The following ZNF26 variants were observed in gnomAD, a reference collection of about 807,000 sequenced individuals.
ZNF26 encodes zinc finger protein 26.
A neutral mutation model predicts 54.9 loss-of-function variants in ZNF26; 32 were observed. The ratio of observed to expected loss-of-function variants is 0.58; its 90% confidence interval spans 0.44 to 0.78. The LOEUF is 0.78. ZNF26 is among the 30% of genes least tolerant of loss of function. ZNF26 has a pLI of 0.00. For synonymous variants in ZNF26, 221 were observed against 209.2 expected (o/e 1.06, Z -0.49); for missense variants, 524 against 634.0 (o/e 0.83, Z 1.86).
rs997370761 is a variant in ZNF26, at chr12:133,022,514, G to A, written c.*11033G>A. Reference sequence around the variant, plus strand: ...ATAAGTAAAACTGGGGAAATGTTAAGTATTGTGTGTCAGTATTCTGGCTGT... The same window carrying A: ...ATAAGTAAAACTGGGGAAATGTTAAATATTGTGTGTCAGTATTCTGGCTGT... On this transcript the variant is annotated 3_prime_UTR_variant, in exon 4 of 4. Transcript: ENST00000328654. 1 of 152,150 alleles carries A rather than the reference G, an allele frequency of 6.6e-6. No individual in the cohort carries two copies. Among genetic ancestry groups the A allele is most frequent in the East Asian group, 1.9e-4 (1 of 5,190 alleles). The allele number at this position is 152,150 out of a possible 1,614,324, so 9.4% of individuals were successfully genotyped here. A position where few individuals can be genotyped will look rare whatever the true frequency, so the allele number is the denominator to read the frequency against.
chr12:133,010,952 T>C lies in ZNF26; in HGVS notation c.1073T>C (p.Ile358Thr), dbSNP rs2137261563. The change falls in exon 4 of 4, where the codon ATT (isoleucine) becomes ACT (threonine). Residue 358 changes from isoleucine to threonine, a missense_variant. By Grantham distance (89) the Ile-to-Thr change is moderately conservative (BLOSUM62 -1). Transcript: ENST00000328654. ...GCCTTCAATATGAAGACACAACTCA[T>C]TGTACATCAGGGAGTTCACACAGGA... ...GKAFNMKTQL[I>T]VHQGVHTGNN... 1 of 1,614,100 alleles carries C rather than the reference T, an allele frequency of 6.2e-7. No individual in the cohort carries two copies. Among genetic ancestry groups the C allele is most frequent in the Non-Finnish European group, 8.5e-7 (1 of 1,180,006 alleles).
At chr12:132,991,653 A>AC (rs1320660210) in intron 1 of ZNF26, among the ~76,000 whole-genome samples, 1 of 150,474 alleles carries the variant, frequency 6.6e-6, no homozygotes, top group Non-Finnish European at 1.5e-5. Context: ...AACCTAAAAA[A>AC]AAAACCAGGT....
In ZNF26 at chr12:133,008,101, C is replaced by T. The variant is rs953315348; in HGVS notation, c.256+569C>T. On this transcript the variant is annotated intron_variant, in intron 3 of 3. Coordinates refer to ENST00000328654, the MANE Select transcript of ZNF26 (RefSeq NM_019591.4). ...AAGGCTCTTCCGTTCCGAAGGTTTA[C>T]GCTTTCCCCCCAGTGTTGTAACATC... 5.1e-4 allele frequency among the ~76,000 whole-genome samples: 78 copies of T among 152,220 alleles called. 2 individuals are homozygous for T. Among genetic ancestry groups the T allele is most frequent in the African/African-American group, 1.7e-3 (72 of 41,542 alleles).
rs1352623623 is a variant in ZNF26, at chr12:133,013,166, G to T, written c.*1685G>T. The T allele has an allele frequency of 6.6e-6, 1 of 152,216 alleles. No homozygotes were observed. Among genetic ancestry groups the T allele is most frequent in the African/African-American group, 2.4e-5 (1 of 41,446 alleles). The allele number at this position is 152,216 out of a possible 1,614,324, so 9.4% of individuals were successfully genotyped here. ...ATTTATGAGAAAATCTGAGACAGGG[G>T]CAGAGATGGCTGATTTTGATCTTGC... On this transcript the variant is annotated 3_prime_UTR_variant, in exon 4 of 4. Coordinates refer to ENST00000328654, the MANE Select transcript of ZNF26 (RefSeq NM_019591.4).
intron 1 of ZNF26, among the ~76,000 whole-genome samples, chr12:132,989,954 G>A (rs1228656022): frequency 2.0e-4 from 31 of 152,210 alleles, no homozygotes; most frequent in African/African-American, 6.3e-4. Context: ...GTTTAGTGAG[G>A]GTTTTTGTTG....
rs1394704851 is a variant in ZNF26, at chr12:133,021,459, T to A, written c.*9978T>A. ...AGCCACTGTGCCCTGCCAATGCTTA[T>A]ACATTTCAAGAAAAACATTTATTTG... is the stretch of plus-strand genomic sequence containing the variant. On this transcript the variant is annotated 3_prime_UTR_variant, in exon 4 of 4. Transcript: ENST00000328654. 2.0e-5 allele frequency: 3 copies of A among 150,604 alleles called. No homozygotes were observed. Among genetic ancestry groups the A allele is most frequent in the Admixed American group, 6.6e-5 (1 of 15,140 alleles). The allele number at this position is 150,604 out of a possible 1,614,324, so 9.3% of individuals were successfully genotyped here.
rs904212546 is a variant in ZNF26, at chr12:133,026,961, A to G, written c.*15480A>G. 6 of 152,238 alleles carry G rather than the reference A, an allele frequency of 3.9e-5. No individual in the cohort carries two copies. Among genetic ancestry groups the G allele is most frequent in the Non-Finnish European group, 8.8e-5 (6 of 68,050 alleles). 9.4% of individuals were successfully genotyped at this position (152,238 alleles called of 1,614,324 possible). On this transcript the variant is annotated 3_prime_UTR_variant, in exon 4 of 4. Transcript: ENST00000328654. ...CTATATAGGTTAAGAAAAATATTCA[A>G]TAAATTGGAACAATTCTTTGTTATA...
chr12:133,003,328 C>T (rs1336820491), intron 1 of ZNF26, among the ~76,000 whole-genome samples: 2 of 150,688 alleles, frequency 1.3e-5, no homozygotes, highest in African/African-American at 4.9e-5. Flanking sequence ...AATCTCGGCA[C>T]ACTGCAAGCT....
chr12:133,018,621 A>G lies in ZNF26; in HGVS notation c.*7140A>G, dbSNP rs1190847033. 1 of 152,214 alleles carries G rather than the reference A, an allele frequency of 6.6e-6. No homozygotes were observed. Among genetic ancestry groups the G allele is most frequent in the African/African-American group, 2.4e-5 (1 of 41,456 alleles). 9.4% of individuals were successfully genotyped at this position (152,214 alleles called of 1,614,324 possible). ...AGACATAAAATACAAAAGGGAAAGC[A>G]GCATATGTAAATCTAACTATATCAA... On this transcript the variant is annotated 3_prime_UTR_variant, in exon 4 of 4. Coordinates refer to ENST00000328654, the MANE Select transcript of ZNF26 (RefSeq NM_019591.4).
rs375943152 is a variant in ZNF26 at position 133,006,991 on chromosome 12, A to G, written c.34-51A>G. Reference sequence around the variant, plus strand: ...TTCCCAGTTCCTCTGCATCTTTTCCATGTCACCTAATGTAATTGCATCCAA... The same window carrying G: ...TTCCCAGTTCCTCTGCATCTTTTCCGTGTCACCTAATGTAATTGCATCCAA... On this transcript the variant is annotated intron_variant, in intron 1 of 3. Coordinates refer to ENST00000328654, the MANE Select transcript of ZNF26 (RefSeq NM_019591.4). 1.2e-4 allele frequency: 193 copies of G among 1,605,366 alleles called. No individual in the cohort carries two copies. The East Asian group carries it at 3.8e-3, about 32-fold the overall frequency.
rs1296804934 is a variant in ZNF26, at chr12:132,991,630, CAAAAAAAAA to C, written c.33+4763_33+4771del. Among the ~76,000 whole-genome samples the C allele has an allele frequency of 6.2e-3, 425 of 68,260 alleles. 3 individuals carry two copies. Among genetic ancestry groups the C allele is most frequent in the African/African-American group, 0.013 (401 of 30,746 alleles). The allele number at this position is 68,260 out of a possible 152,430, so 44.8% of individuals were successfully genotyped here. A position where few individuals can be genotyped will look rare whatever the true frequency, so the allele number is the denominator to read the frequency against. Reference sequence around the variant, plus strand: ...TGCCTATACAAAACAACAACAACAACAAAAAAAAAAAAAACCTAAAAAAAAAACCAGGTG... The same window carrying C: ...TGCCTATACAAAACAACAACAACAACAAAAACCTAAAAAAAAAACCAGGTG... On this transcript the variant is annotated intron_variant, in intron 1 of 3. Transcript: ENST00000328654.
At position 133,023,113 on chromosome 12, in the gene ZNF26, C is replaced by T. The variant is rs1953663145; in HGVS notation, c.*11632C>T. 6.6e-6 allele frequency: 1 copy of T among 152,114 alleles called. No homozygotes were observed. Among genetic ancestry groups the T allele is most frequent in the Non-Finnish European group, 1.5e-5 (1 of 68,016 alleles). The allele number at this position is 152,114 out of a possible 1,614,324, so 9.4% of individuals were successfully genotyped here. On this transcript the variant is annotated 3_prime_UTR_variant, in exon 4 of 4. Transcript: ENST00000328654. ...TAGTATTTGATGAACAGGGGCTATA[C>T]AACAGTTTAGATTTTAAAAAATTAT...
Position 133,023,896 on chromosome 12 carries a change from A to C in ZNF26, c.*12415A>C, listed in dbSNP as rs1953672139. The C allele has an allele frequency of 6.6e-6, 1 of 152,220 alleles. No homozygotes were observed. The highest frequency in any genetic ancestry group is 1.5e-5 in the Non-Finnish European group (1 of 68,036). The allele number at this position is 152,220 out of a possible 1,614,324, so 9.4% of individuals were successfully genotyped here. A position where few individuals can be genotyped will look rare whatever the true frequency, so the allele number is the denominator to read the frequency against. ...ACTAGGAGGAAATCTCAAATAATCCATATAGAGAAACCACATAGAGAGGCT... is the reference window on the plus strand; with the variant it reads ...ACTAGGAGGAAATCTCAAATAATCCCTATAGAGAAACCACATAGAGAGGCT... On this transcript the variant is annotated 3_prime_UTR_variant, in exon 4 of 4. Transcript: ENST00000328654.
chr12:132,992,765 C>T (rs978034625), intron 1 of ZNF26, among the ~76,000 whole-genome samples: 22 of 152,258 alleles, frequency 1.4e-4, no homozygotes, highest in African/African-American at 4.6e-4. Flanking sequence ...AACCACTGTG[C>T]GTCAGGCACC....
chr12:133,000,699 C>T (rs1953196898), intron 1 of ZNF26, among the ~76,000 whole-genome samples: 1 of 152,044 alleles, frequency 6.6e-6, no homozygotes, highest in African/African-American at 2.4e-5. Flanking sequence ...GCTAGGATTA[C>T]AGGTGTGAGC....
rs1326316578 is a variant in ZNF26, at chr12:133,001,777, C to CCCTCACTCCCCAGCTG, written c.34-5261_34-5246dup. ...GCCCTGTTTGAGGTGAGCTGCTGAA[C>CCCTCACTCCCCAGCTG]CCTCACTCCCCAGCTGCCTTTTGAG... On this transcript the variant is annotated intron_variant, in intron 1 of 3. Coordinates refer to ENST00000328654, the MANE Select transcript of ZNF26 (RefSeq NM_019591.4). This position sits in a 1 kb window ranked among gnomAD's most constrained non-coding sequence, Gnocchi z 4.7. 7 of 1,119,766 alleles carry CCCTCACTCCCCAGCTG rather than the reference C, an allele frequency of 6.3e-6. No individual in the cohort carries two copies. In the African/African-American group the frequency reaches 1.1e-4, roughly 18 times the overall value. The allele number at this position is 1,119,766 out of a possible 1,614,324, so 69.4% of individuals were successfully genotyped here. A position where few individuals can be genotyped will look rare whatever the true frequency, so the allele number is the denominator to read the frequency against.
rs1953512610 is a variant in ZNF26, at chr12:133,012,836, C to G, written c.*1355C>G. On this transcript the variant is annotated 3_prime_UTR_variant, in exon 4 of 4. Coordinates refer to ENST00000328654, the MANE Select transcript of ZNF26 (RefSeq NM_019591.4). Reference sequence around the variant, plus strand: ...TCAGGTGATCTGCCCACTTCAGCCTCCCAAAGTCATGGGATTACAGGTGTG... The same window carrying G: ...TCAGGTGATCTGCCCACTTCAGCCTGCCAAAGTCATGGGATTACAGGTGTG... 1 of 152,094 alleles carries G rather than the reference C, an allele frequency of 6.6e-6. No individual in the cohort carries two copies. The highest frequency in any genetic ancestry group is 1.5e-5 in the Non-Finnish European group (1 of 68,124). 9.4% of individuals were successfully genotyped at this position (152,094 alleles called of 1,614,324 possible).
At chr12:132,998,552 G>A (rs1212444472) in intron 1 of ZNF26, among the ~76,000 whole-genome samples, 11 of 152,146 alleles carry the variant, frequency 7.2e-5, no homozygotes, top group African/African-American at 1.2e-4. Context: ...CTGCTCGACT[G>A]TGCTTGTAAC....
intron 1 of ZNF26, among the ~76,000 whole-genome samples, chr12:132,997,493 C>T (rs979302031): frequency 2.0e-5 from 3 of 152,054 alleles, no homozygotes; most frequent in South Asian, 2.1e-4. Context: ...CCCACATGGT[C>T]GATGAGCTTC....
Sources: gnomAD v4.1 joint callset for allele counts (sites outside exome capture counted in the v4.1 genomes callset) on GRCh38, gnomAD v4.1.1 for gene constraint, Gnocchi (gnomAD v3.1) non-coding constraint, MANE v1.5 for transcripts, NCBI Gene and HGNC (gene_info 2026-07-23, HGNC 2026-07-21) for gene names.